Variants in COX7A2L observed in about 807,000 individuals in gnomAD.
The protein encoded by COX7A2L is cytochrome c oxidase subunit 7A2-like, mitochondrial.
A neutral mutation model predicts 14.2 loss-of-function variants in COX7A2L; 18 were observed. The ratio of observed to expected loss-of-function variants is 1.27; its 90% confidence interval spans 0.88 to 1.88. COX7A2L has a LOEUF of 1.88. Ranked by LOEUF, COX7A2L falls within the 40% of genes most tolerant of loss-of-function variation. The probability of loss-of-function intolerance (pLI) is 0.00; values close to 1 mark genes in which losing one functional copy is unlikely to be tolerated. For missense variants in COX7A2L, 179 were observed against 138.8 expected, an observed-to-expected ratio of 1.29 and a Z score of -1.46; for synonymous variants, 65 against 57.4, an observed-to-expected ratio of 1.13 and a Z score of -0.60.
chr2:42,351,780 C>G (rs1670654639), intron 2 of COX7A2L, among the ~76,000 whole-genome samples: 1 of 152,134 alleles, frequency 6.6e-6, no homozygotes, highest in South Asian at 2.1e-4. Flanking sequence ...TCAAGACCAG[C>G]CTGGGCAACA....
downstream of COX7A2L, among the ~76,000 whole-genome samples, chr2:42,344,850 CAA>C (rs761952104): frequency 4.7e-5 from 5 of 106,060 alleles, no homozygotes; most frequent in Non-Finnish European, 4.0e-5. Context: ...GACTCCGCCT[CAA>C]AAAAAAAAAA....
downstream of COX7A2L, among the ~76,000 whole-genome samples, chr2:42,347,435 A>G (rs1023720446): frequency 7.9e-5 from 12 of 152,042 alleles, no homozygotes; most frequent in Non-Finnish European, 1.8e-4. Flanking sequence ...AATGACAGCT[A>G]AAGATTATGC....
chr2:42,347,308 T>A (rs9309081), downstream of COX7A2L, among the ~76,000 whole-genome samples: 1,227 of 21,368 alleles, frequency 0.057, 19 homozygotes, highest in African/African-American at 0.2. Flanking sequence ...AACCAGCACC[T>A]TTTTTTTTTT....
intron 1 of COX7A2L, 127 bp from the exon 2 acceptor site, chr2:42,353,470 G>C (rs1472455060): frequency 2.4e-6 from 3 of 1,244,754 alleles, no homozygotes; most frequent in Non-Finnish European, 3.4e-6. Flanking sequence ...AGCAAACCCT[G>C]TCAAGAACCC....
intron 1 of COX7A2L, among the ~76,000 whole-genome samples, chr2:42,366,590 T>C (rs1671169807): frequency 6.6e-6 from 1 of 152,200 alleles, no homozygotes; most frequent in Non-Finnish European, 1.5e-5. Context: ...TAAGATGGTA[T>C]GTACTGAAAA....
At chr2:42,357,233 G>A (rs1670850749) in intron 1 of COX7A2L, among the ~76,000 whole-genome samples, 1 of 152,200 alleles carries the variant, frequency 6.6e-6, no homozygotes, top group Non-Finnish European at 1.5e-5. Flanking sequence ...TTAAATGATA[G>A]AAATGTATGA....
At chr2:42,344,460 A>G (rs112730464), downstream of COX7A2L, among the ~76,000 whole-genome samples, 5,379 of 152,336 alleles carry the variant, frequency 0.035, 135 homozygotes, top group Middle Eastern at 0.078. Context: ...CTGTGACCAT[A>G]AACTCTAAGT....
At chr2:42,345,175 G>A (rs937686435), downstream of COX7A2L, among the ~76,000 whole-genome samples, 1 of 152,046 alleles carries the variant, frequency 6.6e-6, no homozygotes, top group African/African-American at 2.4e-5. Flanking sequence ...CTGAGGTCAG[G>A]AGTTCGAGAC....
chr2:42,368,617 T>A (rs948375172), intron 1 of COX7A2L, among the ~76,000 whole-genome samples: 4 of 152,228 alleles, frequency 2.6e-5, no homozygotes, highest in Admixed American at 2.6e-4. Flanking sequence ...ATTCTTCACT[T>A]CACTGAGCCT....
At chr2:42,360,541 T>C (rs1294216854) in intron 1 of COX7A2L, among the ~76,000 whole-genome samples, 2 of 152,132 alleles carry the variant, frequency 1.3e-5, no homozygotes, top group South Asian at 2.1e-4. Flanking sequence ...ATCGGGAAAG[T>C]GTAACCTCGC....
At chr2:42,341,646 GCT>G (rs1176968604) in intron 2 of COX7A2L, among the ~76,000 whole-genome samples, 1 of 152,220 alleles carries the variant, frequency 6.6e-6, no homozygotes, top group Non-Finnish European at 1.5e-5. Flanking sequence ...ATGACAATTT[GCT>G]CAAGAGTACT....
rs537209324 is a variant in COX7A2L at position 42,353,967 on chromosome 2, C to G, written c.73-624G>C. Among the ~76,000 whole-genome samples the G allele has an allele frequency of 6.6e-5, 10 of 152,236 alleles. No individual in the cohort carries two copies. In the South Asian group the frequency reaches 1.9e-3, roughly 28 times the overall value. On this transcript the variant is annotated intron_variant, in intron 1 of 2. Coordinates refer to ENST00000234301, the MANE Select transcript of COX7A2L (RefSeq NM_004718.4). ...ACACGGATAAGCCTCTAAAACATTA[C>G]GCTGAGTCAAAGAAACCAGTCCCAA...
At position 42,351,196 on chromosome 2, in the gene COX7A2L, A is replaced by C; in HGVS notation, c.*23T>G. 6.3e-7 allele frequency: 1 copy of C among 1,597,432 alleles called. No homozygotes were observed. The highest frequency in any genetic ancestry group is 8.5e-7 in the Non-Finnish European group (1 of 1,173,192). On this transcript the variant is annotated 3_prime_UTR_variant, in exon 3 of 3. Transcript: ENST00000234301. ...CTTCAAAGGGTTTATGCCAAAAAAC[A>C]AACCAGTCCTCTGCAGCCTAACTCA...
downstream of COX7A2L, among the ~76,000 whole-genome samples, chr2:42,344,828 G>T (rs1281351951): frequency 6.6e-6 from 1 of 151,620 alleles, no homozygotes. Flanking sequence ...TCCAGCCTGG[G>T]TGACAAAGCA....
upstream of COX7A2L, among the ~76,000 whole-genome samples, chr2:42,362,620 G>C (rs1221335215): frequency 6.6e-6 from 1 of 152,162 alleles, no homozygotes; most frequent in Non-Finnish European, 1.5e-5. Flanking sequence ...TCTGAAAAGA[G>C]GAGGATCAAG....
At chr2:42,337,515 C>T (rs1364415314) in intron 2 of COX7A2L, among the ~76,000 whole-genome samples, 2 of 139,444 alleles carry the variant, frequency 1.4e-5, no homozygotes, top group Non-Finnish European at 3.2e-5. Context: ...TCTGCAGTGA[C>T]GATGAGTAGG....
At chr2:42,352,039 T>C (rs1369212309) in intron 2 of COX7A2L, among the ~76,000 whole-genome samples, 1 of 152,224 alleles carries the variant, frequency 6.6e-6, no homozygotes, top group East Asian at 1.9e-4. Context: ...GTTTGGCTTC[T>C]GATCATAAGT....
rs1230986588 is a variant in COX7A2L, at chr2:42,351,353, C to T, written c.211G>A (p.Asp71Asn). 6.2e-7 allele frequency: 1 copy of T among 1,613,080 alleles called. No homozygotes were observed. Among genetic ancestry groups the T allele is most frequent in the Non-Finnish European group, 8.5e-7 (1 of 1,179,762 alleles). The change falls in exon 3 of 3, where the codon GAT (aspartate) becomes AAT (asparagine). Residue 71 changes from aspartate (D) to asparagine (N), a missense_variant. Transcript: ENST00000234301. ...PELQKFFQKA[D>N]GVPVYLKRGL... ...CGTTTCAGGTAGACGGGCACACCAT[C>T]AGCTTTCTTGAAAGCAAGAATTAAC...
upstream of COX7A2L, among the ~76,000 whole-genome samples, chr2:42,363,924 T>C (rs1017224763): frequency 2.9e-4 from 44 of 152,278 alleles, no homozygotes; most frequent in African/African-American, 9.4e-4. Flanking sequence ...TGTGTGCTAA[T>C]GGCCTCTGGC....
Sources: gnomAD v4.1 joint callset for allele counts (sites outside exome capture counted in the v4.1 genomes callset) on GRCh38, gnomAD v4.1.1 for gene constraint, MANE v1.5 for transcripts, NCBI Gene and HGNC (gene_info 2026-07-23, HGNC 2026-07-21) for gene names.